Variants in FAM227B observed in about 807,000 individuals in gnomAD.
FAM227B encodes protein FAM227B.
In FAM227B, 88 loss-of-function variants were observed where a neutral mutation model predicts 73.8. That is an observed-to-expected ratio of 1.19 (90% CI 1.00 to 1.42). The LOEUF (loss-of-function observed/expected upper bound fraction) is 1.42, where lower values mean the gene tolerates loss of function less well. FAM227B is among the 40% of genes most tolerant of loss of function. The pLI, the probability that FAM227B is intolerant of heterozygous loss-of-function variation, is 0.00. For missense variants in FAM227B, 632 were observed against 590.9 expected, an observed-to-expected ratio of 1.07 and a Z score of -0.72; for synonymous variants, 210 against 190.5, an observed-to-expected ratio of 1.10 and a Z score of -0.84.
intron 13 of FAM227B, among the ~76,000 whole-genome samples, chr15:49,352,759 C>G (rs1489438809): frequency 6.6e-6 from 1 of 152,152 alleles, no homozygotes; most frequent in African/African-American, 2.4e-5. Flanking sequence ...ACTGGTCCCT[C>G]CAATCCAAAA....
chr15:49,499,466 A>G (rs2057956688), intron 11 of FAM227B, among the ~76,000 whole-genome samples: 1 of 152,208 alleles, frequency 6.6e-6, no homozygotes, highest in Admixed American at 6.5e-5. Context: ...TTGTTAAGAT[A>G]CCAATTCTCC....
At chr15:49,564,863 G>A (rs954009899) in intron 9 of FAM227B, among the ~76,000 whole-genome samples, 4 of 151,798 alleles carry the variant, frequency 2.6e-5, no homozygotes, top group African/African-American at 9.7e-5. Context: ...TGTTGGGGGT[G>A]AGGACTGAAA....
chr15:49,449,738 TG>T (rs1325456607), intron 11 of FAM227B, among the ~76,000 whole-genome samples: 4 of 152,094 alleles, frequency 2.6e-5, no homozygotes, highest in Admixed American at 1.3e-4. Context: ...AATTGCTTTT[TG>T]TATTTACAGT....
At chr15:49,358,602 G>T (rs1476725843) in intron 13 of FAM227B, among the ~76,000 whole-genome samples, 14 of 149,188 alleles carry the variant, frequency 9.4e-5, no homozygotes, top group Non-Finnish European at 1.6e-4. Flanking sequence ...ACAAACAAAT[G>T]GAAGAACATT....
At chr15:49,340,891 T>C (rs980260672) in intron 13 of FAM227B, among the ~76,000 whole-genome samples, 7 of 152,302 alleles carry the variant, frequency 4.6e-5, no homozygotes, top group Middle Eastern at 3.4e-3. Flanking sequence ...ATTCTTATAG[T>C]GTAAAGTCTT....
intron 11 of FAM227B, among the ~76,000 whole-genome samples, chr15:49,371,828 CTT>C (rs1419396191): frequency 7.4e-6 from 1 of 135,692 alleles, no homozygotes; most frequent in Non-Finnish European, 1.6e-5. Flanking sequence ...ATAAAATTCA[CTT>C]ATAAATAAAT....
intron 1 of FAM227B, among the ~76,000 whole-genome samples, chr15:49,619,935 A>AT (rs368735950): frequency 5.4e-4 from 83 of 152,312 alleles, no homozygotes; most frequent in African/African-American, 1.9e-3. Context: ...TAAAAGCTCC[A>AT]TAAAGCAGTA....
chr15:49,373,085 A>C (rs1180730098), intron 11 of FAM227B, among the ~76,000 whole-genome samples: 1 of 152,056 alleles, frequency 6.6e-6, no homozygotes, highest in Non-Finnish European at 1.5e-5. Flanking sequence ...TATAATACTT[A>C]ATATATATGA....
intron 14 of FAM227B, among the ~76,000 whole-genome samples, chr15:49,334,863 T>A (rs2039431825): frequency 6.6e-6 from 1 of 152,140 alleles, no homozygotes; most frequent in African/African-American, 2.4e-5. Flanking sequence ...GCCCATTTGT[T>A]CTTGTAAAAA....
intron 1 of FAM227B, among the ~76,000 whole-genome samples, chr15:49,618,145 G>A (rs2078416754): frequency 1.3e-5 from 2 of 152,140 alleles, no homozygotes; most frequent in Non-Finnish European, 2.9e-5. Flanking sequence ...ACAGGTTCTG[G>A]AGGTAAGGAT....
intron 13 of FAM227B, among the ~76,000 whole-genome samples, chr15:49,342,729 A>G (rs779533996): frequency 6.6e-6 from 1 of 152,278 alleles, no homozygotes; most frequent in African/African-American, 2.4e-5. Context: ...TCTAGTGGCA[A>G]TGAATTCCCT....
chr15:49,378,236 G>A (rs1874280685), intron 11 of FAM227B, among the ~76,000 whole-genome samples: 2 of 151,802 alleles, frequency 1.3e-5, no homozygotes, highest in South Asian at 4.2e-4. Context: ...TTTTATGCCA[G>A]TACCATGCTG....
At chr15:49,480,102 C>T (rs1330683290) in intron 11 of FAM227B, among the ~76,000 whole-genome samples, 1 of 152,162 alleles carries the variant, frequency 6.6e-6, no homozygotes, top group East Asian at 1.9e-4. Context: ...TCTGCCAACA[C>T]TGCTTAATGC....
At chr15:49,418,382 T>C (rs2049361705) in intron 11 of FAM227B, among the ~76,000 whole-genome samples, 1 of 152,162 alleles carries the variant, frequency 6.6e-6, no homozygotes, top group Non-Finnish European at 1.5e-5. Flanking sequence ...TGCAGCACTA[T>C]TCACAATAGC....
chr15:49,489,867 TATATATATATATATATAG>T (rs1567383077), intron 11 of FAM227B, among the ~76,000 whole-genome samples: 166 of 13,624 alleles, frequency 0.012, 1 homozygote, highest in Admixed American at 0.035. Context: ...ATTTTATATA[TATATATATATATATATAG>T]AGAGAGAGAG....
chr15:49,472,861 C>T (rs1244375995), intron 11 of FAM227B, among the ~76,000 whole-genome samples: 1 of 152,084 alleles, frequency 6.6e-6, no homozygotes, highest in East Asian at 1.9e-4. Flanking sequence ...AAGACATTTC[C>T]CAAATTTGCT....
intron 11 of FAM227B, among the ~76,000 whole-genome samples, chr15:49,462,131 G>A (rs2053854644): frequency 6.6e-6 from 1 of 151,978 alleles, no homozygotes; most frequent in African/African-American, 2.4e-5. Flanking sequence ...AAAAAAAATT[G>A]TATTTAAAGG....
chr15:49,408,021 T>C (rs2048635374), intron 11 of FAM227B, among the ~76,000 whole-genome samples: 1 of 152,336 alleles, frequency 6.6e-6, no homozygotes, highest in African/African-American at 2.4e-5. Context: ...GTAAATAGTT[T>C]ATTTTTATTG....
chr15:49,351,357 G>A (rs1376467382), intron 13 of FAM227B, among the ~76,000 whole-genome samples: 1 of 152,182 alleles, frequency 6.6e-6, no homozygotes, highest in African/African-American at 2.4e-5. Context: ...ACGGAAAGAA[G>A]ATACGGCCAA....
Sources: allele counts gnomAD v4.1 joint callset (sites outside exome capture counted in the v4.1 genomes callset), GRCh38; gene constraint gnomAD v4.1.1; transcripts MANE v1.5; gene names NCBI Gene and HGNC (gene_info 2026-07-23, HGNC 2026-07-21).